The following PATL1 variants were observed in gnomAD, a reference collection of about 807,000 sequenced individuals.
PATL1 encodes PAT1 homolog 1, processing body mRNA decay factor.
A neutral mutation model predicts 100.6 loss-of-function variants in PATL1; 32 were observed. That is an observed-to-expected ratio of 0.32 (90% CI 0.24 to 0.43). PATL1 has a LOEUF of 0.43. Among genes scored for constraint, PATL1 ranks in the 20% least tolerant of loss-of-function variants. The pLI is 1.00. For synonymous variants in PATL1, 332 were observed against 330.0 expected (o/e 1.01, Z -0.07); for missense variants, 747 against 949.9 (o/e 0.79, Z 2.81).
chr11:59,655,261 A>G (rs903514604), intron 8 of PATL1, among the ~76,000 whole-genome samples: 6 of 152,202 alleles, frequency 3.9e-5, no homozygotes, highest in African/African-American at 1.4e-4. Context: ...CCAGAGGATA[A>G]AAGCAAACAG....
intron 15 of PATL1, among the ~76,000 whole-genome samples, chr11:59,645,742 T>C (rs1861355568): frequency 6.6e-6 from 1 of 152,170 alleles, no homozygotes; most frequent in Non-Finnish European, 1.5e-5. Context: ...CTGATGAAAA[T>C]TATTCCACTT....
At chr11:59,649,404 C>G in intron 14 of PATL1, 58 bp downstream of exon 14, 1 of 1,571,086 alleles carries the variant, frequency 6.4e-7, no homozygotes, top group Non-Finnish European at 8.6e-7. Flanking sequence ...GTATGAAATC[C>G]AGTTATGACA....
Position 59,654,027 on chromosome 11 carries a change from T to C in PATL1, c.1077A>G (p.Pro359=), listed in dbSNP as rs755296068. Residue 359 remains proline, a synonymous_variant, in exon 9 of 19, where the codon CCA becomes CCG. Coordinates refer to ENST00000300146, the MANE Select transcript of PATL1 (RefSeq NM_152716.3). ...MFRPDTTHLH[P]QHRRLLHQRQ... ...TCTGATGCAAGAGTCGACGGTGCTGTGGATGGAGGTGAGTTGTGTCCGGTC... is the reference window on the plus strand; with the variant it reads ...TCTGATGCAAGAGTCGACGGTGCTGCGGATGGAGGTGAGTTGTGTCCGGTC... 24 of 1,613,846 alleles carry C rather than the reference T, an allele frequency of 1.5e-5. No individual in the cohort carries two copies. The East Asian group carries it at 5.3e-4, about 36-fold the overall frequency.
rs1439363548 is a variant in PATL1 at position 59,655,963 on chromosome 11, C to T, written c.806G>A (p.Gly269Glu). Residue 269 changes from glycine (G) to glutamate (E), a missense_variant, in exon 7 of 19, where the codon GGA (glycine) becomes GAA (glutamate). This residue lies in a region of PATL1 where 127 missense variants were observed against 116.0 expected (regional missense o/e 1.09). Coordinates refer to ENST00000300146, the MANE Select transcript of PATL1 (RefSeq NM_152716.3). ...SPLQRAQLLG[G>E]AQLQPGRMSP... ...GGCTAATCACAGGCTTACCTGTGCT[C>T]CTCCAAGAAGCTGTGCTCTCTGGAG... The T allele has an allele frequency of 3.1e-6, 5 of 1,590,844 alleles. 1 individual carries two copies. The South Asian group carries it at 4.6e-5, about 15-fold the overall frequency.
chr11:59,639,035 G>C lies in PATL1; in HGVS notation c.2291+13C>G, dbSNP rs1861234372. The C allele has an allele frequency of 2.5e-6, 4 of 1,612,128 alleles. No individual in the cohort carries two copies. Among genetic ancestry groups the C allele is most frequent in the Non-Finnish European group, 8.5e-7 (1 of 1,178,982 alleles). ...CTTTAGTGAGATGTGAAACTCTCCT[G>C]TTTCAAACTTACTGCAGTTTTGTCT... On this transcript the variant is annotated intron_variant, in intron 18 of 18. Coordinates refer to ENST00000300146, the MANE Select transcript of PATL1 (RefSeq NM_152716.3).
At chr11:59,642,348 T>C (rs952032967) in intron 16 of PATL1, among the ~76,000 whole-genome samples, 8 of 152,246 alleles carry the variant, frequency 5.3e-5, no homozygotes, top group Non-Finnish European at 1.0e-4. Context: ...AGAACTCTTA[T>C]GTGTCATGAC....
chr11:59,649,800 C>T (rs1308211416), intron 13 of PATL1, among the ~76,000 whole-genome samples, 190 bp from the exon 14 acceptor site: 2 of 151,938 alleles, frequency 1.3e-5, no homozygotes, highest in Non-Finnish European at 2.9e-5. Flanking sequence ...TTCTTTGTCT[C>T]TCTCTGACTT....
At chr11:59,667,634 C>T (rs1000931310) in intron 1 of PATL1, among the ~76,000 whole-genome samples, 5 of 152,162 alleles carry the variant, frequency 3.3e-5, no homozygotes, top group Non-Finnish European at 5.9e-5. Flanking sequence ...GGACCTATTG[C>T]GTCTAAGGTT....
At chr11:59,653,077 CAG>C (rs1861469564) in intron 9 of PATL1, 59 bp from the exon 10 acceptor site, 2 of 1,408,214 alleles carry the variant, frequency 1.4e-6, no homozygotes, top group South Asian at 1.5e-5. Context: ...TTTTTAACAA[CAG>C]AGGAATAAAC....
chr11:59,657,968 A>C (rs1861561219), intron 4 of PATL1, among the ~76,000 whole-genome samples: 1 of 152,030 alleles, frequency 6.6e-6, no homozygotes, highest in African/African-American at 2.4e-5. Context: ...GTTTGAGACT[A>C]GCCTGGGCAA....
chr11:59,657,386 TA>T, intron 5 of PATL1, 143 bp downstream of exon 5: 1 of 743,510 alleles, frequency 1.3e-6, no homozygotes, highest in Non-Finnish European at 2.0e-6. Context: ...TTATTTGTAC[TA>T]ATTTCTCCTC....
chr11:59,655,018 A>G (rs557243893), intron 8 of PATL1, among the ~76,000 whole-genome samples: 4 of 152,194 alleles, frequency 2.6e-5, no homozygotes, highest in Non-Finnish European at 5.9e-5. Context: ...CAAGACTGCA[A>G]CTTGAGCTTT....
chr11:59,666,790 A>G, intron 2 of PATL1, 63 bp downstream of exon 2: 1 of 1,493,718 alleles, frequency 6.7e-7, no homozygotes, highest in Non-Finnish European at 9.0e-7. Flanking sequence ...AGCACTTCTA[A>G]AAGACAGCAC....
chr11:59,642,816 T>C (rs1861305864), intron 16 of PATL1, 64 bp downstream of exon 16: 10 of 1,501,850 alleles, frequency 6.7e-6, no homozygotes, highest in African/African-American at 2.8e-5. Context: ...GCAGCCATTA[T>C]TTTAATCTAT....
At position 59,668,820 on chromosome 11, in the gene PATL1, G is replaced by A. The variant is rs1861733258; in HGVS notation, c.15+61C>T. The A allele has an allele frequency of 5.3e-6, 5 of 935,118 alleles. No individual in the cohort carries two copies. The South Asian group carries it at 5.9e-5, about 11-fold the overall frequency. 57.9% of individuals were successfully genotyped at this position (935,118 alleles called of 1,614,324 possible). A position where few individuals can be genotyped will look rare whatever the true frequency, so the allele number is the denominator to read the frequency against. ...GGAACACAGGACCGGCGCGCGGAGA[G>A]AGAGTGAGGGAGAGGGGCGCGGGAG... is the stretch of plus-strand genomic sequence containing the variant. On this transcript the variant is annotated intron_variant, in intron 1 of 18. Transcript: ENST00000300146.
chr11:59,643,536 T>C (rs998430933), intron 15 of PATL1, among the ~76,000 whole-genome samples: 18 of 151,764 alleles, frequency 1.2e-4, no homozygotes, highest in Non-Finnish European at 5.9e-5. Context: ...TAGTGAGACC[T>C]CATCTCTACA....
chr11:59,642,715 G>T, intron 16 of PATL1, 165 bp downstream of exon 16: 1 of 709,684 alleles, frequency 1.4e-6, no homozygotes, highest in Non-Finnish European at 2.2e-6. Context: ...ATCCCATTTT[G>T]TTGAAAACAC....
intron 2 of PATL1, among the ~76,000 whole-genome samples, chr11:59,665,993 A>G (rs1405819782): frequency 1.3e-5 from 2 of 151,932 alleles, no homozygotes; most frequent in Non-Finnish European, 2.9e-5. Context: ...AACTCTTAAA[A>G]TATGTATCTA....
chr11:59,649,656 C>T (rs773039444), intron 13 of PATL1, 46 bp from the exon 14 acceptor site: 1 of 1,578,512 alleles, frequency 6.3e-7, no homozygotes, highest in South Asian at 1.1e-5. Context: ...AGGTCAGAAC[C>T]ACAGTATTAG....
Sources: allele counts gnomAD v4.1 joint callset (sites outside exome capture counted in the v4.1 genomes callset), GRCh38; gene constraint gnomAD v4.1.1; regional missense constraint gnomAD v4.1.1; transcripts MANE v1.5; gene names NCBI Gene and HGNC (gene_info 2026-07-23, HGNC 2026-07-21).